Variants in PDE2A observed in about 807,000 individuals in gnomAD.
PDE2A encodes the protein cGMP-dependent 3',5'-cyclic phosphodiesterase.
A neutral mutation model predicts 133.6 loss-of-function variants in PDE2A; 53 were observed. The ratio of observed to expected loss-of-function variants is 0.40; its 90% confidence interval spans 0.32 to 0.50. PDE2A has a LOEUF of 0.50. PDE2A is among the 20% of genes least tolerant of loss of function. The probability of loss-of-function intolerance (pLI) is 0.73; values close to 1 mark genes in which losing one functional copy is unlikely to be tolerated. For missense variants in PDE2A, 796 were observed against 1,232.4 expected, an observed-to-expected ratio of 0.65 and a Z score of 5.30; for synonymous variants, 491 against 490.2, an observed-to-expected ratio of 1.00 and a Z score of -0.02.
intron 1 of PDE2A, among the ~76,000 whole-genome samples, chr11:72,649,743 T>C (rs163693): frequency 0.77 from 117,550 of 152,118 alleles, 46,081 homozygotes; most frequent in Middle Eastern, 0.84. Context: ...CTCCTTCCCA[T>C]GTGGGATGGC....
At chr11:72,610,077 C>T (rs1293296555) in intron 2 of PDE2A, among the ~76,000 whole-genome samples, 3 of 152,152 alleles carry the variant, frequency 2.0e-5, no homozygotes, top group Non-Finnish European at 2.9e-5. Flanking sequence ...ACCTATGAAA[C>T]GAGGGAATTG....
chr11:72,650,384 TTCTC>T (rs1165717083), intron 1 of PDE2A, among the ~76,000 whole-genome samples: 1 of 151,972 alleles, frequency 6.6e-6, no homozygotes, highest in African/African-American at 2.4e-5. Flanking sequence ...GCCCCCATCC[TTCTC>T]TCTGAGTCTC....
intron 1 of PDE2A, among the ~76,000 whole-genome samples, chr11:72,656,746 A>T (rs1228233007): frequency 6.6e-6 from 1 of 152,060 alleles, no homozygotes; most frequent in Non-Finnish European, 1.5e-5. Context: ...AAGAGGTCCC[A>T]GCTAGAGTCC....
chr11:72,642,704 G>C (rs1859014409), intron 1 of PDE2A, among the ~76,000 whole-genome samples: 1 of 151,970 alleles, frequency 6.6e-6, no homozygotes, highest in Admixed American at 6.5e-5. Context: ...CATCTCGCAG[G>C]GGCCGCTCTC....
chr11:72,585,665 A>G, intron 14 of PDE2A, 72 bp from the exon 15 acceptor site: 3 of 1,349,988 alleles, frequency 2.2e-6, no homozygotes, highest in Non-Finnish European at 3.1e-6. Flanking sequence ...TCCTGCCTCC[A>G]ACAGCACCCG....
intron 2 of PDE2A, among the ~76,000 whole-genome samples, chr11:72,613,510 C>G (rs1374740651): frequency 6.6e-6 from 1 of 151,924 alleles, no homozygotes; most frequent in Admixed American, 6.6e-5. Flanking sequence ...TCCCTGCCTC[C>G]CCCGGCCGAC....
chr11:72,665,962 C>T (rs1478896288), intron 1 of PDE2A, among the ~76,000 whole-genome samples: 3 of 152,080 alleles, frequency 2.0e-5, no homozygotes, highest in South Asian at 2.1e-4. Flanking sequence ...GAAATTGAGG[C>T]TTCCAGAGGA....
chr11:72,619,154 A>G (rs1440894642), intron 2 of PDE2A, among the ~76,000 whole-genome samples: 1 of 152,182 alleles, frequency 6.6e-6, no homozygotes, highest in Non-Finnish European at 1.5e-5. Flanking sequence ...AGAACCCCAA[A>G]GCCTTGAAAA....
chr11:72,664,897 C>G (rs1291887536), intron 1 of PDE2A, among the ~76,000 whole-genome samples: 1 of 151,926 alleles, frequency 6.6e-6, no homozygotes, highest in Non-Finnish European at 1.5e-5. Context: ...ACCTCCGCCT[C>G]CTGGGTTCAA....
intron 1 of PDE2A, among the ~76,000 whole-genome samples, chr11:72,645,196 T>C (rs528617282): frequency 6.6e-6 from 1 of 152,354 alleles, no homozygotes; most frequent in South Asian, 2.1e-4. Context: ...CTCAGAGGGT[T>C]TGAGTCCTAA....
At chr11:72,667,728 G>A (rs887420186) in intron 1 of PDE2A, among the ~76,000 whole-genome samples, 1 of 152,028 alleles carries the variant, frequency 6.6e-6, no homozygotes, top group Non-Finnish European at 1.5e-5. Context: ...AGAGGAAGAT[G>A]AGCTGGGTGC....
intron 4 of PDE2A, chr11:72,598,978 C>G: frequency 1.0e-6 from 1 of 985,380 alleles, no homozygotes; most frequent in Non-Finnish European, 1.2e-6. Context: ...AGGAGGGCAA[C>G]GGGAGCCACG....
chr11:72,626,677 A>G (rs1250988346), intron 2 of PDE2A, among the ~76,000 whole-genome samples: 1 of 152,092 alleles, frequency 6.6e-6, no homozygotes, highest in African/African-American at 2.4e-5. Flanking sequence ...TCCCCAGCGA[A>G]GCCCTACTCC....
At chr11:72,581,807 CG>C (rs1565148264) in intron 22 of PDE2A, 69 bp downstream of exon 22, 1 of 1,395,768 alleles carries the variant, frequency 7.2e-7, no homozygotes, top group Non-Finnish European at 1.0e-6. Context: ...TCCAGAATGC[CG>C]GGGGCAACGG....
intron 3 of PDE2A, among the ~76,000 whole-genome samples, chr11:72,608,351 C>T (rs1857060356): frequency 6.6e-6 from 1 of 152,206 alleles, no homozygotes; most frequent in Non-Finnish European, 1.5e-5. Context: ...GGCTCCACCA[C>T]GTCCTGTTAT....
intron 1 of PDE2A, among the ~76,000 whole-genome samples, chr11:72,667,870 A>T (rs1256094637): frequency 2.5e-5 from 1 of 39,538 alleles, no homozygotes; most frequent in East Asian, 4.7e-4. Context: ...TGTCTCTATT[A>T]AAAAAAAAAA....
chr11:72,608,328 C>G (rs1274871989), intron 3 of PDE2A, among the ~76,000 whole-genome samples: 1 of 152,210 alleles, frequency 6.6e-6, no homozygotes, highest in Non-Finnish European at 1.5e-5. Flanking sequence ...TGCATGTATT[C>G]CAAAACTCAG....
chr11:72,661,847 G>C (rs978380444), intron 1 of PDE2A, among the ~76,000 whole-genome samples: 1 of 152,198 alleles, frequency 6.6e-6, no homozygotes, highest in Non-Finnish European at 1.5e-5. Flanking sequence ...GTGTATACCT[G>C]TGTCATGTGC....
chr11:72,580,856 G>T, intron 24 of PDE2A, 30 bp downstream of exon 24: 2 of 1,346,296 alleles, frequency 1.5e-6, no homozygotes, highest in Non-Finnish European at 2.1e-6. Context: ...CCCATGGAGG[G>T]TCCCCACTGT....
Sources: allele counts gnomAD v4.1 joint callset (sites outside exome capture counted in the v4.1 genomes callset), GRCh38; gene constraint gnomAD v4.1.1; transcripts MANE v1.5; gene names NCBI Gene and HGNC (gene_info 2026-07-23, HGNC 2026-07-21).